Variants in APOO observed in about 807,000 individuals in gnomAD.
APOO encodes the protein MICOS complex subunit MIC26.
APOO carries 11 observed loss-of-function variants against 23.1 expected under a neutral mutation model. That is an observed-to-expected ratio of 0.48 (90% CI 0.30 to 0.79). The LOEUF is 0.79. Among genes scored for constraint, APOO ranks in the 30% least tolerant of loss-of-function variants. The pLI is 0.07. For missense variants in APOO, 160 were observed against 142.7 expected, an observed-to-expected ratio of 1.12 and a Z score of -0.62; for synonymous variants, 59 against 54.8, an observed-to-expected ratio of 1.08 and a Z score of -0.34.
intron 7 of APOO, among the ~76,000 whole-genome samples, chrX:23,851,919 TTATGTATG>T (rs899384789): frequency 9.9e-5 from 11 of 111,637 alleles, no homozygotes; most frequent in Non-Finnish European, 2.1e-4. Context: ...GTGCCCTGTT[TTATGTATG>T]TATGTATGTA....
chrX:23,859,592 C>T (rs1302121680), intron 5 of APOO, among the ~76,000 whole-genome samples: 2 of 111,113 alleles, frequency 1.8e-5, no homozygotes, highest in Non-Finnish European at 3.8e-5. Context: ...TACAGGCACA[C>T]GCCACCATGC....
intron 5 of APOO, among the ~76,000 whole-genome samples, chrX:23,861,473 C>G (rs372712092): frequency 1.9e-5 from 2 of 106,706 alleles, no homozygotes; most frequent in African/African-American, 6.9e-5. Context: ...CCAACTAAAC[C>G]TCTTTTCTTT....
intron 1 of APOO, among the ~76,000 whole-genome samples, chrX:23,881,947 C>CAAAA (rs56820853): frequency 6.3e-5 from 2 of 31,814 alleles, no homozygotes; most frequent in East Asian, 1.2e-3. Context: ...GACTCCACCT[C>CAAAA]AAAAAAAAAA....
intron 8 of APOO, among the ~76,000 whole-genome samples, chrX:23,835,066 T>TC (rs1193693199): frequency 2.9e-5 from 3 of 104,889 alleles, no homozygotes; most frequent in Non-Finnish European, 5.9e-5. Context: ...ATTAGAGATT[T>TC]TTTTTTTTTT....
chrX:23,848,688 CTTT>C (rs762700350), intron 7 of APOO, among the ~76,000 whole-genome samples: 2 of 95,279 alleles, frequency 2.1e-5, no homozygotes. Context: ...ATTTTCTTTT[CTTT>C]TTTTTTTTTT....
At chrX:23,897,177 T>C (rs1236933921) in intron 1 of APOO, among the ~76,000 whole-genome samples, 1 of 112,126 alleles carries the variant, frequency 8.9e-6, no homozygotes, top group African/African-American at 3.2e-5. Context: ...TGTTTCATCT[T>C]TGGAGGGTAG....
intron 1 of APOO, among the ~76,000 whole-genome samples, chrX:23,889,787 T>C (rs764123685): frequency 1.2e-3 from 132 of 107,621 alleles, no homozygotes; most frequent in Middle Eastern, 4.7e-3. Context: ...CTCAGCCTCC[T>C]GGTAGCTGGG....
At chrX:23,900,674 CAAAAAAA>C (rs967658475) in intron 1 of APOO, among the ~76,000 whole-genome samples, 2 of 24,811 alleles carry the variant, frequency 8.1e-5, no homozygotes, top group Admixed American at 4.5e-4. Flanking sequence ...GACTCCGGCT[CAAAAAAA>C]AAAAAAAAAA....
At chrX:23,886,385 G>T (rs1185157552) in intron 1 of APOO, among the ~76,000 whole-genome samples, 3 of 111,834 alleles carry the variant, frequency 2.7e-5, no homozygotes, top group African/African-American at 9.7e-5. Context: ...CTTGATTGGG[G>T]TATGGGTTAT....
rs200861085 is a variant in APOO, at chrX:23,880,919, T to A, written c.43A>T (p.Ser15Cys). Residue 15 changes from serine to cysteine, a missense_variant, in exon 2 of 9, where the codon AGC (serine) becomes TGC (cysteine). Physicochemically the swap from Ser to Cys is moderately radical, Grantham distance 112. Coordinates refer to ENST00000379226, the MANE Select transcript of APOO (RefSeq NM_024122.5). The stretch of plus-strand genomic sequence containing the variant: ...GCATAGACTTTGAAGGTGAGCAAGC[T>A]CAGGCTGGCTGGCCCCACGGACCTC... ...IQRSVGPASLSLLTFKVYAAP... is the reference protein window; with the variant it reads ...IQRSVGPASLCLLTFKVYAAP... 1.8e-4 allele frequency: 211 copies of A among 1,187,332 alleles called. 2 individuals are homozygous for A. The Admixed American group carries it at 4.6e-3, about 26-fold the overall frequency.
chrX:23,865,842 T>C (rs1280344224), intron 5 of APOO, among the ~76,000 whole-genome samples: 1 of 111,411 alleles, frequency 9.0e-6, no homozygotes, highest in Non-Finnish European at 1.9e-5. Context: ...TGTGCGTGCC[T>C]GTGTGAATAT....
chrX:23,876,141 G>A (rs1925835404), intron 3 of APOO, among the ~76,000 whole-genome samples: 1 of 110,615 alleles, frequency 9.0e-6, no homozygotes, highest in African/African-American at 3.3e-5. Context: ...GCAGGCACCT[G>A]TAGTCTCAGC....
intron 1 of APOO, among the ~76,000 whole-genome samples, chrX:23,881,163 C>T (rs1251555805): frequency 9.1e-6 from 1 of 110,438 alleles, no homozygotes; most frequent in Non-Finnish European, 1.9e-5. Flanking sequence ...CAACCTCCAA[C>T]GCCCAGGTTC....
At chrX:23,857,886 T>C (rs1601898403) in intron 6 of APOO, among the ~76,000 whole-genome samples, 3 of 111,237 alleles carry the variant, frequency 2.7e-5, no homozygotes, top group Admixed American at 9.7e-5. Context: ...TCAAACACCA[T>C]AGGCATTAAT....
chrX:23,859,033 G>A (rs1279816431), intron 5 of APOO, among the ~76,000 whole-genome samples: 1 of 111,188 alleles, frequency 9.0e-6, no homozygotes, highest in Non-Finnish European at 1.9e-5. Flanking sequence ...TTGATCCCAG[G>A]AGTTCGAGGT....
At chrX:23,891,810 TTA>T (rs982020789) in intron 1 of APOO, among the ~76,000 whole-genome samples, 1 of 109,714 alleles carries the variant, frequency 9.1e-6, no homozygotes, top group Non-Finnish European at 1.9e-5. Context: ...TCTACCAAGT[TTA>T]TATATATGTA....
intron 1 of APOO, among the ~76,000 whole-genome samples, chrX:23,899,892 A>G (rs1927055906): frequency 8.9e-6 from 1 of 112,462 alleles, no homozygotes; most frequent in African/African-American, 3.2e-5. Flanking sequence ...TTACGTCATA[A>G]AAGTCTACAA....
intron 1 of APOO, among the ~76,000 whole-genome samples, chrX:23,898,762 C>A (rs1028344419): frequency 2.4e-4 from 27 of 111,516 alleles, no homozygotes; most frequent in African/African-American, 8.5e-4. Flanking sequence ...CTTCTTGGAG[C>A]CCGTATAATC....
At chrX:23,863,432 A>C (rs1439170677) in intron 5 of APOO, among the ~76,000 whole-genome samples, 1 of 112,075 alleles carries the variant, frequency 8.9e-6, no homozygotes, top group African/African-American at 3.2e-5. Context: ...GGAAGAAAAA[A>C]AAAATGTATC....
Sources: gnomAD v4.1 joint callset for allele counts (sites outside exome capture counted in the v4.1 genomes callset) on GRCh38, gnomAD v4.1.1 for gene constraint, MANE v1.5 for transcripts, NCBI Gene and HGNC (gene_info 2026-07-23, HGNC 2026-07-21) for gene names.